Variants in NRXN3 observed in about 807,000 individuals in gnomAD.
The protein encoded by NRXN3 is neurexin III.
Under a neutral mutation model 137.6 loss-of-function variants are expected in NRXN3, and 32 were observed. The ratio of observed to expected loss-of-function variants is 0.23; its 90% CI spans 0.18 to 0.31. The LOEUF (loss-of-function observed/expected upper bound fraction) is 0.31, where lower values mean the gene tolerates loss of function less well. Ranked by LOEUF, NRXN3 falls within the 10% of genes least tolerant of loss-of-function variation. The pLI is 1.00. For synonymous variants in NRXN3, 798 were observed against 784.5 expected (o/e 1.02, Z -0.29); for missense variants, 1,574 against 2,062.5 (o/e 0.76, Z 4.59).
At chr14:78,304,119 A>G (rs1304219943) in intron 4 of NRXN3, among the ~76,000 whole-genome samples, 1 of 152,172 alleles carries the variant, frequency 6.6e-6, no homozygotes, top group African/African-American at 2.4e-5. Context: ...CACAACCCTC[A>G]TGACCCCAAA....
intron 4 of NRXN3, among the ~76,000 whole-genome samples, chr14:78,620,990 C>T (rs529370890): frequency 2.6e-5 from 4 of 152,176 alleles, no homozygotes; most frequent in Non-Finnish European, 5.9e-5. Context: ...TTCTCTCCAG[C>T]TTCAGAAGGA....
chr14:79,279,869 C>T (rs776948941), intron 15 of NRXN3: 2 of 1,012,868 alleles, frequency 2.0e-6, no homozygotes, highest in Non-Finnish European at 2.4e-6. Context: ...CACTTGGGTT[C>T]GGGCTGCCTC....
At position 79,455,815 on chromosome 14, in the gene NRXN3, G is replaced by A. The variant is rs147322255; in HGVS notation, c.3263-11406G>A. ...TGACATTTTAAAGAGCAAACTTTGG[G>A]ATATTTTTAACTTTTATATTATTTC... On this transcript the variant is annotated intron_variant, in intron 15 of 20. Coordinates refer to ENST00000335750, the MANE Select transcript of NRXN3 (RefSeq NM_001330195.2). Among the ~76,000 whole-genome samples, 1,201 of 151,556 alleles carry A rather than the reference G, an allele frequency of 7.9e-3. 9 individuals carry two copies. Among genetic ancestry groups the A allele is most frequent in the African/African-American group, 0.027 (1,130 of 41,406 alleles).
At chr14:78,493,552 A>G (rs1253116433) in intron 4 of NRXN3, among the ~76,000 whole-genome samples, 1 of 150,906 alleles carries the variant, frequency 6.6e-6, no homozygotes, top group Non-Finnish European at 1.5e-5. Context: ...ATAAATAAAT[A>G]AATAAATAAA....
chr14:78,926,975 A>T (rs1412081423), intron 10 of NRXN3, among the ~76,000 whole-genome samples: 1 of 59,766 alleles, frequency 1.7e-5, no homozygotes, highest in Non-Finnish European at 2.7e-5. Flanking sequence ...TATAATATAT[A>T]ATATATTTTT....
chr14:79,013,774 A>G (rs1374648855), intron 15 of NRXN3, among the ~76,000 whole-genome samples: 2 of 152,246 alleles, frequency 1.3e-5, no homozygotes, highest in Admixed American at 6.5e-5. Context: ...GTTTTCACAC[A>G]TTCATTCATA....
intron 1 of NRXN3, among the ~76,000 whole-genome samples, chr14:78,194,151 C>T (rs746880376): frequency 2.0e-5 from 3 of 152,236 alleles, no homozygotes; most frequent in Non-Finnish European, 4.4e-5. Context: ...TTTCTAGATG[C>T]AGTGGGCTGA....
intron 15 of NRXN3, among the ~76,000 whole-genome samples, chr14:79,361,639 C>A (rs2093684634): frequency 6.6e-6 from 1 of 152,046 alleles, no homozygotes; most frequent in South Asian, 2.1e-4. Flanking sequence ...ATCACTTGAA[C>A]CCAGGAGGCA....
intron 15 of NRXN3, among the ~76,000 whole-genome samples, chr14:79,425,737 A>G (rs1183073876): frequency 6.6e-6 from 1 of 152,158 alleles, no homozygotes; most frequent in Non-Finnish European, 1.5e-5. Context: ...TTGAGACCAT[A>G]TGACCCAAGG....
intron 15 of NRXN3, among the ~76,000 whole-genome samples, chr14:79,100,251 G>C (rs949025630): frequency 2.0e-5 from 3 of 152,182 alleles, no homozygotes; most frequent in Non-Finnish European, 4.4e-5. Flanking sequence ...GAAAGAATGA[G>C]AGGCATAAGA....
At chr14:79,770,229 A>G (rs1345416215) in intron 19 of NRXN3, among the ~76,000 whole-genome samples, 2 of 152,170 alleles carry the variant, frequency 1.3e-5, no homozygotes, top group Non-Finnish European at 2.9e-5. Flanking sequence ...ACAGAAAGTC[A>G]ACAAGGATAC....
intron 4 of NRXN3, among the ~76,000 whole-genome samples, chr14:78,359,468 A>T (rs1430759044): frequency 6.6e-6 from 1 of 152,152 alleles, no homozygotes. Context: ...AATTCTTAAT[A>T]ATTTTCCAAC....
At chr14:78,382,325 A>T (rs1255326556) in intron 4 of NRXN3, among the ~76,000 whole-genome samples, 1 of 152,206 alleles carries the variant, frequency 6.6e-6, no homozygotes, top group African/African-American at 2.4e-5. Context: ...TTGTGGGCTG[A>T]TGGATAGAGA....
chr14:78,554,561 C>T (rs2096721156), intron 4 of NRXN3, among the ~76,000 whole-genome samples: 1 of 152,124 alleles, frequency 6.6e-6, no homozygotes, highest in African/African-American at 2.4e-5. Context: ...ATCTGCCCTT[C>T]AAAGGAAAAG....
At chr14:78,834,477 G>T (rs1000308255) in intron 10 of NRXN3, among the ~76,000 whole-genome samples, 3 of 152,108 alleles carry the variant, frequency 2.0e-5, no homozygotes, top group Non-Finnish European at 4.4e-5. Context: ...AAAAGCTGAA[G>T]CAAAAAGTTG....
chr14:79,089,339 AG>A (rs1250416054), intron 15 of NRXN3, among the ~76,000 whole-genome samples: 3 of 152,154 alleles, frequency 2.0e-5, no homozygotes, highest in Non-Finnish European at 4.4e-5. Context: ...CAAACAAGGA[AG>A]GTGCTTTGGT....
chr14:79,329,248 G>A (rs550733791), intron 15 of NRXN3, among the ~76,000 whole-genome samples: 4 of 152,262 alleles, frequency 2.6e-5, no homozygotes, highest in East Asian at 1.9e-4. Context: ...AGAGCTATAG[G>A]GGGTGAAGTG....
intron 1 of NRXN3, among the ~76,000 whole-genome samples, chr14:78,174,292 C>T (rs2059051392): frequency 6.6e-6 from 1 of 152,122 alleles, no homozygotes; most frequent in South Asian, 2.1e-4. Context: ...GCCACAGCCC[C>T]CTCCCCCATA....
At chr14:79,696,791 C>A (rs1251690393) in intron 18 of NRXN3, among the ~76,000 whole-genome samples, 2 of 151,882 alleles carry the variant, frequency 1.3e-5, no homozygotes, top group Non-Finnish European at 2.9e-5. Flanking sequence ...ACCTCTATGT[C>A]ATTTTAAGGA....
Sources: allele counts gnomAD v4.1 joint callset (sites outside exome capture counted in the v4.1 genomes callset), GRCh38; gene constraint gnomAD v4.1.1; transcripts MANE v1.5; gene names NCBI Gene and HGNC (gene_info 2026-07-23, HGNC 2026-07-21).